The following ADGRV1 variants were observed in gnomAD, a reference collection of about 807,000 sequenced individuals.
ADGRV1 encodes adhesion G protein-coupled receptor V1.
In ADGRV1, 359 loss-of-function variants were observed where a neutral mutation model predicts 596.2. The ratio of observed to expected loss-of-function variants is 0.60; its 90% CI spans 0.55 to 0.66. ADGRV1 has a LOEUF of 0.66. ADGRV1 is among the 30% of genes least tolerant of loss of function. The pLI is 0.00. For missense variants in ADGRV1, 7,274 were observed against 7,575.6 expected (o/e 0.96, Z 1.48); for synonymous variants, 2,681 against 2,679.2 (o/e 1.00, Z -0.02).
intron 1 of ADGRV1, among the ~76,000 whole-genome samples, chr5:90,590,072 C>A (rs575833938): frequency 6.6e-6 from 1 of 152,138 alleles, no homozygotes; most frequent in African/African-American, 2.4e-5. Flanking sequence ...GATATGACTT[C>A]CCTTATTATT....
intron 6 of ADGRV1, 139 bp from the exon 7 acceptor site, chr5:90,627,072 G>A (rs1764859285): frequency 7.8e-6 from 4 of 512,258 alleles, no homozygotes; most frequent in Admixed American, 3.6e-5. Context: ...GACTAAACAA[G>A]CCTTTCTATT....
intron 83 of ADGRV1, among the ~76,000 whole-genome samples, chr5:90,939,389 T>C (rs1561972893): frequency 6.6e-6 from 1 of 152,216 alleles, no homozygotes; most frequent in Non-Finnish European, 1.5e-5. Flanking sequence ...CAATGACGAT[T>C]AGGTTAATTT....
At chr5:91,011,137 TTCA>T (rs1782687378) in intron 85 of ADGRV1, among the ~76,000 whole-genome samples, 1 of 152,094 alleles carries the variant, frequency 6.6e-6, no homozygotes, top group South Asian at 2.1e-4. Context: ...TATGATTGTC[TTCA>T]TCACAACCTT....
intron 83 of ADGRV1, among the ~76,000 whole-genome samples, chr5:90,949,993 G>A (rs994317787): frequency 3.3e-5 from 5 of 152,236 alleles, no homozygotes; most frequent in African/African-American, 1.2e-4. Flanking sequence ...TTGTACAATG[G>A]TTTGTCCATG....
At chr5:91,073,512 C>T (rs537459330) in intron 86 of ADGRV1, among the ~76,000 whole-genome samples, 74 of 152,102 alleles carry the variant, frequency 4.9e-4, no homozygotes, top group Non-Finnish European at 8.7e-4. Flanking sequence ...AGCTACAGGG[C>T]GTCACTCTAA....
chr5:90,563,182 T>A (rs1451575528), intron 1 of ADGRV1, among the ~76,000 whole-genome samples: 1 of 152,222 alleles, frequency 6.6e-6, no homozygotes, highest in Non-Finnish European at 1.5e-5. Context: ...GGAGTAAAAA[T>A]GCATTTCATT....
At chr5:90,973,508 CAAGTGGACTT>C in intron 84 of ADGRV1, among the ~76,000 whole-genome samples, 1 of 152,162 alleles carries the variant, frequency 6.6e-6, no homozygotes, top group Non-Finnish European at 1.5e-5. Flanking sequence ...CCACCATGAT[CAAGTGGACTT>C]CATCCCTGGG....
chr5:91,137,850 A>C (rs1262345468), intron 87 of ADGRV1, among the ~76,000 whole-genome samples: 1 of 152,206 alleles, frequency 6.6e-6, no homozygotes, highest in African/African-American at 2.4e-5. Flanking sequence ...ACACTTAGCT[A>C]TTAGTATTTA....
intron 73 of ADGRV1, among the ~76,000 whole-genome samples, 153 bp from the exon 74 acceptor site, chr5:90,810,080 A>T (rs985846410): frequency 7.2e-5 from 11 of 152,206 alleles, no homozygotes; most frequent in African/African-American, 2.7e-4. Context: ...CTTACATATC[A>T]ATAAATAGGG....
At chr5:91,067,412 G>T (rs919708296) in intron 85 of ADGRV1, among the ~76,000 whole-genome samples, 7 of 151,970 alleles carry the variant, frequency 4.6e-5, no homozygotes, top group Admixed American at 6.6e-5. Context: ...CAAAGTGCTG[G>T]GATTACAGGC....
chr5:90,898,875 G>A (rs541567755), intron 83 of ADGRV1, among the ~76,000 whole-genome samples: 2 of 152,084 alleles, frequency 1.3e-5, no homozygotes, highest in African/African-American at 4.8e-5. Context: ...GTGTTCAGGG[G>A]CTCGAGGCTG....
chr5:91,153,553 T>G (rs1012627908), intron 89 of ADGRV1, among the ~76,000 whole-genome samples, 155 bp downstream of exon 89: 1 of 152,242 alleles, frequency 6.6e-6, no homozygotes, highest in Admixed American at 6.5e-5. Flanking sequence ...CTCTAGGATA[T>G]TTTGTTCTTG....
At chr5:90,664,430 A>C (rs1356219230) in intron 21 of ADGRV1, among the ~76,000 whole-genome samples, 1 of 152,098 alleles carries the variant, frequency 6.6e-6, no homozygotes, top group Non-Finnish European at 1.5e-5. Flanking sequence ...TTGTTGGTGT[A>C]TAAGAATGCT....
In ADGRV1 at chr5:90,644,775, A is replaced by T. The variant is rs1262040750; in HGVS notation, c.2804A>T (p.Asp935Val). 2 of 1,611,618 alleles carry T rather than the reference A, an allele frequency of 1.2e-6. No individual in the cohort carries two copies. The highest frequency in any genetic ancestry group is 1.7e-6 in the Non-Finnish European group (2 of 1,179,162). ...DVSVSWVVSP[D>V]FTQDVFPVQG... ...AGTGTATCATGGGTGGTTAGTCCAG[A>T]CTTTACACAAGATGTATTTCCTGTA... Residue 935 changes from aspartate to valine, a missense_variant, in exon 15 of 90, where the codon GAC becomes GTC. Asp to Val is a radical substitution (Grantham distance 152). This residue lies in a region of ADGRV1 where 1,715 missense variants were observed against 1,708.8 expected (regional missense o/e 1.00). Transcript: ENST00000405460.
At chr5:91,110,760 C>T (rs1352834276) in intron 87 of ADGRV1, among the ~76,000 whole-genome samples, 2 of 152,138 alleles carry the variant, frequency 1.3e-5, no homozygotes, top group African/African-American at 4.8e-5. Flanking sequence ...AAATCTGAAA[C>T]GCATTCTTCT....
intron 5 of ADGRV1, among the ~76,000 whole-genome samples, chr5:90,623,023 G>A (rs960731160): frequency 4.6e-5 from 7 of 152,222 alleles, no homozygotes; most frequent in Admixed American, 1.3e-4. Flanking sequence ...TTACAGGCGT[G>A]AGCCACTGCA....
intron 27 of ADGRV1, 107 bp downstream of exon 27, chr5:90,681,561 G>A: frequency 1.8e-6 from 2 of 1,097,502 alleles, no homozygotes; most frequent in Non-Finnish European, 2.5e-6. Flanking sequence ...GTAGGCTGAG[G>A]GGAATGAGCC....
intron 86 of ADGRV1, among the ~76,000 whole-genome samples, chr5:91,080,302 T>TA (rs1789232037): frequency 6.6e-6 from 1 of 152,162 alleles, no homozygotes; most frequent in African/African-American, 2.4e-5. Context: ...TGAAGCCTAT[T>TA]AAGCAGGTAT....
intron 43 of ADGRV1, chr5:90,717,038 C>T (rs1750204578): frequency 6.0e-6 from 1 of 166,320 alleles, no homozygotes; most frequent in Admixed American, 6.3e-5. Context: ...GTGTATAAAC[C>T]ATATAAAAGA....
Sources: allele counts gnomAD v4.1 joint callset (sites outside exome capture counted in the v4.1 genomes callset), GRCh38; gene constraint gnomAD v4.1.1; regional missense constraint gnomAD v4.1.1; transcripts MANE v1.5; gene names NCBI Gene and HGNC (gene_info 2026-07-23, HGNC 2026-07-21).